PCDHA6: variants seen among roughly 807,000 people sequenced by gnomAD.
PCDHA6 encodes the protein protocadherin alpha 6.
Under a neutral mutation model 60.3 loss-of-function variants are expected in PCDHA6, and 55 were observed. The observed-to-expected ratio is 0.91, with a 90% CI of 0.73 to 1.14. PCDHA6 has a LOEUF of 1.14. Ranked by LOEUF, PCDHA6 falls within the 50% of genes most tolerant of loss-of-function variation. The pLI is 0.00. For synonymous variants in PCDHA6, 652 were observed against 557.9 expected, an observed-to-expected ratio of 1.17 and a Z score of -2.38; for missense variants, 1,327 against 1,256.5, an observed-to-expected ratio of 1.06 and a Z score of -0.85.
chr5:140,836,509 G>C, intron 1 of PCDHA6: 1 of 1,613,894 alleles, frequency 6.2e-7, no homozygotes, highest in Non-Finnish European at 8.5e-7. Context: ...GCGGTGTCCA[G>C]TCTGTTGGTG....
chr5:140,871,140 C>A, intron 1 of PCDHA6: 1 of 1,613,454 alleles, frequency 6.2e-7, no homozygotes, highest in Non-Finnish European at 8.5e-7. Context: ...AGGCCTCTTC[C>A]CGGACTTTGG....
At chr5:140,867,147 C>G (rs1554160998) in intron 1 of PCDHA6, 1 of 152,068 alleles carries the variant, frequency 6.6e-6, no homozygotes, top group Non-Finnish European at 1.5e-5. Flanking sequence ...TATCATTTTT[C>G]CAGAGTAAAC....
chr5:140,851,487 C>G (rs1273932978), intron 1 of PCDHA6: 3 of 888,978 alleles, frequency 3.4e-6, no homozygotes, highest in African/African-American at 1.8e-5. Context: ...TAAACACAGC[C>G]TTCATTTCAA....
At chr5:140,883,688 A>G (rs782730096) in intron 1 of PCDHA6, 2 of 1,613,792 alleles carry the variant, frequency 1.2e-6, no homozygotes, top group Middle Eastern at 1.7e-4. Flanking sequence ...GGGCTGCCAC[A>G]TCTTCACGGT....
intron 1 of PCDHA6, chr5:140,859,028 T>C (rs1281709317): frequency 6.6e-6 from 1 of 150,998 alleles, no homozygotes; most frequent in Non-Finnish European, 1.5e-5. Flanking sequence ...AGTTAAATGC[T>C]TTGAACTTTA....
At chr5:140,993,434 AT>A (rs1243337816) in intron 3 of PCDHA6, among the ~76,000 whole-genome samples, 2 of 150,146 alleles carry the variant, frequency 1.3e-5, no homozygotes, top group Non-Finnish European at 3.0e-5. Flanking sequence ...TAAAATCCTT[AT>A]TCATTCCTGT....
At chr5:140,902,920 C>T (rs1186097921) in intron 1 of PCDHA6, among the ~76,000 whole-genome samples, 1 of 152,304 alleles carries the variant, frequency 6.6e-6, no homozygotes, top group Non-Finnish European at 1.5e-5. Context: ...AGTAGTATTG[C>T]ATGGTGTATA....
intron 2 of PCDHA6, among the ~76,000 whole-genome samples, chr5:140,980,367 C>A (rs1245361324): frequency 2.6e-5 from 4 of 152,174 alleles, no homozygotes; most frequent in Non-Finnish European, 5.9e-5. Flanking sequence ...CGCGGTGGCT[C>A]ACACCTGTAA....
chr5:140,987,005 T>C (rs1587197864), intron 3 of PCDHA6, among the ~76,000 whole-genome samples: 1 of 152,008 alleles, frequency 6.6e-6, no homozygotes. Context: ...CTTGAGGTCA[T>C]GAGTTCGAGA....
rs140245330 is a variant in PCDHA6, at chr5:140,828,819, A to C, written c.728A>C (p.Glu243Ala). The change falls in exon 1 of 4, where the codon GAA becomes GCA. Residue 243 changes from glutamate to alanine, a missense_variant. Coordinates refer to ENST00000529310, the MANE Select transcript of PCDHA6 (RefSeq NM_018909.4). ...LDVNDNAPTFEQSEYEVRIFE... is the reference protein window; with the variant it reads ...LDVNDNAPTFAQSEYEVRIFE... The stretch of plus-strand genomic sequence containing the variant: ...GTGAATGATAATGCTCCCACTTTCG[A>C]ACAGTCTGAATACGAAGTAAGAATA... The C allele has an allele frequency of 6.2e-7, 1 of 1,614,224 alleles. No individual in the cohort carries two copies. Among genetic ancestry groups the C allele is most frequent in the Non-Finnish European group, 8.5e-7 (1 of 1,180,044 alleles).
At chr5:140,891,681 C>T (rs1021117286) in intron 1 of PCDHA6, among the ~76,000 whole-genome samples, 1 of 152,150 alleles carries the variant, frequency 6.6e-6, no homozygotes, top group African/African-American at 2.4e-5. Flanking sequence ...TAATAATTCT[C>T]TCTTCTTGCT....
At position 140,870,930 on chromosome 5, in the gene PCDHA6, A is replaced by G. The variant is rs373236202; in HGVS notation, c.2394+40445A>G. ...GCTACAACGCGTGGCTTTCATATGA[A>G]TTGCAGCCGGCGGCGGGCGGCTCGC... On this transcript the variant is annotated intron_variant, in intron 1 of 3. Coordinates refer to ENST00000529310, the MANE Select transcript of PCDHA6 (RefSeq NM_018909.4). 1.9e-6 allele frequency: 3 copies of G among 1,613,850 alleles called. No homozygotes were observed. The East Asian group carries it at 6.7e-5, about 36-fold the overall frequency.
chr5:141,011,288 T>C lies in PCDHA6; in HGVS notation c.*1351T>C, dbSNP rs1379355395. 1 of 153,798 alleles carries C rather than the reference T, an allele frequency of 6.5e-6. No individual in the cohort carries two copies. Among genetic ancestry groups the C allele is most frequent in the Non-Finnish European group, 1.5e-5 (1 of 68,050 alleles). The allele number at this position is 153,798 out of a possible 1,614,324, so 9.5% of individuals were successfully genotyped here. A position where few individuals can be genotyped will look rare whatever the true frequency, so the allele number is the denominator to read the frequency against. On this transcript the variant is annotated 3_prime_UTR_variant, in exon 4 of 4. Transcript: ENST00000529310. ...CTTCTCTTTGGTTTAGTTTTCCTTT[T>C]CTATAACACTCTGAATTGCTAATCT... is the stretch of plus-strand genomic sequence containing the variant.
chr5:140,848,641 C>T, intron 1 of PCDHA6: 1 of 1,593,240 alleles, frequency 6.3e-7, no homozygotes, highest in South Asian at 1.1e-5. Flanking sequence ...GGCCGCATCG[C>T]GCAGGACCTG....
chr5:140,875,176 A>G, intron 1 of PCDHA6: 1 of 397,444 alleles, frequency 2.5e-6, no homozygotes, highest in Non-Finnish European at 4.2e-6. Context: ...TCGAAACATT[A>G]GAATTAAGAG....
At chr5:141,007,419 T>C (rs1554261276) in intron 3 of PCDHA6, among the ~76,000 whole-genome samples, 3 of 141,394 alleles carry the variant, frequency 2.1e-5, no homozygotes, top group African/African-American at 5.2e-5. Flanking sequence ...AAAAAAAAAA[T>C]TAGCCAGGCA....
At chr5:140,875,264 C>CTACA in intron 1 of PCDHA6, 1 of 1,189,324 alleles carries the variant, frequency 8.4e-7, no homozygotes, top group Non-Finnish European at 1.1e-6. Context: ...TGATGTCGCT[C>CTACA]TACACTCAGA....
In PCDHA6 at chr5:140,834,331, T is replaced by C. The variant is rs2150215321; in HGVS notation, c.2394+3846T>C. ...TGAAATGAAGGGATAAAAACATTCC[T>C]ATAAATTCGAAGGCAAGTTTTGCTG... On this transcript the variant is annotated intron_variant, in intron 1 of 3. Coordinates refer to ENST00000529310, the MANE Select transcript of PCDHA6 (RefSeq NM_018909.4). 119 of 1,480,242 alleles carry C rather than the reference T, an allele frequency of 8.0e-5. No individual in the cohort carries two copies. In the African/African-American group the frequency reaches 9.8e-4, roughly 12 times the overall value. The allele number at this position is 1,480,242 out of a possible 1,614,324, so 91.7% of individuals were successfully genotyped here. A position where few individuals can be genotyped will look rare whatever the true frequency, so the allele number is the denominator to read the frequency against.
In PCDHA6 at chr5:140,857,752, C is replaced by T. The variant is rs7725388; in HGVS notation, c.2394+27267C>T. On this transcript the variant is annotated intron_variant, in intron 1 of 3. Coordinates refer to ENST00000529310, the MANE Select transcript of PCDHA6 (RefSeq NM_018909.4). ...ACGCTCCCGCGCTGCTGGCGTCTCCCGCTGGCAGCGCGGGCGGTGCAGTCA... is the reference window on the plus strand; with the variant it reads ...ACGCTCCCGCGCTGCTGGCGTCTCCTGCTGGCAGCGCGGGCGGTGCAGTCA... The T allele has an allele frequency of 7.5e-6, 12 of 1,597,052 alleles. 1 individual carries two copies. The highest frequency in any genetic ancestry group is 9.4e-6 in the Non-Finnish European group (11 of 1,167,514).
Sources: gnomAD v4.1 joint callset for allele counts (sites outside exome capture counted in the v4.1 genomes callset) on GRCh38, gnomAD v4.1.1 for gene constraint, MANE v1.5 for transcripts, NCBI Gene and HGNC (gene_info 2026-07-23, HGNC 2026-07-21) for gene names.